The following PDE7B variants were observed in gnomAD, a reference collection of about 807,000 sequenced individuals.
The protein encoded by PDE7B is phosphodiesterase 7B.
Under a neutral mutation model 56.2 loss-of-function variants are expected in PDE7B, and 29 were observed. That is an observed-to-expected ratio of 0.52 (90% CI 0.38 to 0.70). PDE7B has a LOEUF of 0.70. Among genes scored for constraint, PDE7B ranks in the 30% least tolerant of loss-of-function variants. PDE7B has a pLI of 0.00. For missense variants in PDE7B, 490 were observed against 565.0 expected (o/e 0.87, Z 1.35); for synonymous variants, 197 against 196.9 (o/e 1.00, Z 0.00).
At chr6:136,148,088 A>C (rs951203407) in intron 4 of PDE7B, among the ~76,000 whole-genome samples, 1 of 152,194 alleles carries the variant, frequency 6.6e-6, no homozygotes, top group Non-Finnish European at 1.5e-5. Flanking sequence ...CAAACTGCCA[A>C]AGGAATTTAA....
chr6:135,991,891 G>A (rs1775485544), intron 2 of PDE7B: 2 of 152,154 alleles, frequency 1.3e-5, no homozygotes, highest in Non-Finnish European at 2.9e-5. Context: ...TTATTTTCCT[G>A]TAGGTACAAA....
At chr6:135,963,608 G>A (rs1056025525) in intron 2 of PDE7B, among the ~76,000 whole-genome samples, 11 of 152,034 alleles carry the variant, frequency 7.2e-5, no homozygotes, top group Non-Finnish European at 1.3e-4. Context: ...TTGATTCGTC[G>A]TATTTTGTCC....
At chr6:136,005,126 G>A (rs1272292232) in intron 2 of PDE7B, among the ~76,000 whole-genome samples, 1 of 152,000 alleles carries the variant, frequency 6.6e-6, no homozygotes, top group East Asian at 1.9e-4. Context: ...TTTAATAAAT[G>A]GTGCTGGGAA....
In PDE7B at chr6:135,956,873, GAAAT is replaced by G. The variant is rs564775105; in HGVS notation, c.82+9353_82+9356del. 4.9e-4 allele frequency among the ~76,000 whole-genome samples: 74 copies of G among 151,444 alleles called. No individual in the cohort carries two copies. In the South Asian group the frequency reaches 7.8e-3, roughly 16 times the overall value. On this transcript the variant is annotated intron_variant, in intron 2 of 12. Transcript: ENST00000308191. ...GAAAGAAGAAAAGAAAGAAAGCAAA[GAAAT>G]AAAGACGGAAGGAAGGAAGGAAAGG...
intron 1 of PDE7B, among the ~76,000 whole-genome samples, chr6:135,902,556 C>G (rs564270050): frequency 1.8e-3 from 270 of 152,192 alleles, no homozygotes; most frequent in African/African-American, 6.4e-3. Context: ...CTTGCTGTGG[C>G]CTCTGCTTAA....
intron 1 of PDE7B, among the ~76,000 whole-genome samples, chr6:135,935,988 C>CT (rs550205856): frequency 1.1e-3 from 172 of 152,326 alleles, no homozygotes; most frequent in African/African-American, 4.0e-3. Flanking sequence ...ACAACATGCC[C>CT]TTCTCCCTAT....
chr6:135,939,146 C>G (rs977182344), intron 1 of PDE7B, among the ~76,000 whole-genome samples: 65 of 152,320 alleles, frequency 4.3e-4, no homozygotes, highest in African/African-American at 1.4e-3. Flanking sequence ...TCAAGTCACT[C>G]CTAACCATAC....
chr6:136,072,945 C>T (rs1369375555), intron 2 of PDE7B: 1 of 152,136 alleles, frequency 6.6e-6, no homozygotes, highest in Non-Finnish European at 1.5e-5. Context: ...TCTTGGCTCA[C>T]CTGTATATCC....
intron 2 of PDE7B, among the ~76,000 whole-genome samples, chr6:135,982,042 C>G (rs1562459775): frequency 6.6e-6 from 1 of 152,102 alleles, no homozygotes; most frequent in African/African-American, 2.4e-5. Context: ...ATGGGACCAT[C>G]ATTGTACATG....
chr6:136,041,720 T>C (rs1308842748), intron 2 of PDE7B, among the ~76,000 whole-genome samples: 1 of 152,258 alleles, frequency 6.6e-6, no homozygotes, highest in Non-Finnish European at 1.5e-5. Flanking sequence ...CTTTGAACTG[T>C]ACCCAATTAT....
At chr6:136,185,521 G>T (rs1319607408) in intron 11 of PDE7B, among the ~76,000 whole-genome samples, 2 of 152,130 alleles carry the variant, frequency 1.3e-5, no homozygotes, top group Admixed American at 1.3e-4. Flanking sequence ...TTGGGAGGCT[G>T]AAGCAGGAGG....
chr6:135,955,277 C>CGGGAAG (rs572768677), intron 2 of PDE7B, among the ~76,000 whole-genome samples: 3 of 151,502 alleles, frequency 2.0e-5, no homozygotes, highest in Non-Finnish European at 2.9e-5. Context: ...CCAGGTCTTA[C>CGGGAAG]GGGAAGGGGA....
At chr6:136,019,390 AAG>A (rs905939199) in intron 2 of PDE7B, among the ~76,000 whole-genome samples, 11 of 151,962 alleles carry the variant, frequency 7.2e-5, no homozygotes, top group Non-Finnish European at 1.5e-4. Flanking sequence ...CTGAAAAAAA[AAG>A]AAGGAAAAAG....
intron 8 of PDE7B, among the ~76,000 whole-genome samples, chr6:136,169,511 C>A (rs189006944): frequency 6.6e-6 from 1 of 152,172 alleles, no homozygotes; most frequent in Non-Finnish European, 1.5e-5. Context: ...GGCTGGCATA[C>A]ATCACCATGC....
At chr6:136,190,550 A>G (rs1389524573) in intron 12 of PDE7B, among the ~76,000 whole-genome samples, 1 of 152,170 alleles carries the variant, frequency 6.6e-6, no homozygotes, top group Non-Finnish European at 1.5e-5. Context: ...CTTTCTCCCC[A>G]CAGCTACACA....
In PDE7B at chr6:135,954,204, T is replaced by G. The variant is rs578124815; in HGVS notation, c.82+6680T>G. On this transcript the variant is annotated intron_variant, in intron 2 of 12. Transcript: ENST00000308191. ...GCAACACACCCATACACGCAGAATG[T>G]GATTATCACAGAAGTAAGGACTCCG... Among the ~76,000 whole-genome samples the G allele has an allele frequency of 1.1e-4, 16 of 152,270 alleles. 1 individual carries two copies. The highest frequency in any genetic ancestry group is 1.9e-4 in the East Asian group (1 of 5,182).
chr6:136,002,427 C>A (rs1216874391), intron 2 of PDE7B, among the ~76,000 whole-genome samples: 1 of 152,128 alleles, frequency 6.6e-6, no homozygotes, highest in African/African-American at 2.4e-5. Context: ...AGAGTCAAGA[C>A]CCATCAGTGT....
rs575612781 is a variant in PDE7B at position 135,865,975 on chromosome 6, T to TTTC, written c.21+13956_21+13957insTTC. Among the ~76,000 whole-genome samples, 425 of 152,324 alleles carry TTTC rather than the reference T, an allele frequency of 2.8e-3. 1 individual carries two copies. Among genetic ancestry groups the TTTC allele is most frequent in the African/African-American group, 9.5e-3 (395 of 41,580 alleles). On this transcript the variant is annotated intron_variant, in intron 1 of 12. Transcript: ENST00000308191. ...AGTATTAAAAGACTCCAATATGGAC[T>TTTC]AGAAGTAAATATTCAAAAATTTTTA...
intron 1 of PDE7B, among the ~76,000 whole-genome samples, chr6:135,862,504 C>T (rs940839689): frequency 2.6e-5 from 4 of 151,690 alleles, no homozygotes; most frequent in African/African-American, 9.7e-5. Context: ...TTGTTATGGC[C>T]TTATCAAGGT....
Sources: allele counts gnomAD v4.1 joint callset (sites outside exome capture counted in the v4.1 genomes callset), GRCh38; gene constraint gnomAD v4.1.1; transcripts MANE v1.5; gene names NCBI Gene and HGNC (gene_info 2026-07-23, HGNC 2026-07-21).